CSMD1: variants seen among roughly 807,000 people sequenced by gnomAD.
CSMD1 encodes CUB and sushi domain-containing protein 1.
Under a neutral mutation model 417.5 loss-of-function variants are expected in CSMD1, and 213 were observed. The observed-to-expected ratio is 0.51, with a 90% CI of 0.46 to 0.57. The LOEUF is 0.57. CSMD1 is among the 20% of genes least tolerant of loss of function. The pLI, the probability that CSMD1 is intolerant of heterozygous loss-of-function variation, is 0.00. For missense variants in CSMD1, 6,923 were observed against 4,529.7 expected (o/e 1.53, Z -15.17); for synonymous variants, 2,862 against 1,736.8 (o/e 1.65, Z -16.11).
chr8:3,813,914 T>C (rs1194872774), intron 5 of CSMD1, among the ~76,000 whole-genome samples: 1 of 152,222 alleles, frequency 6.6e-6, no homozygotes, highest in Admixed American at 6.5e-5. Flanking sequence ...TCTTCTTACT[T>C]GTTAAGTCTG....
chr8:4,464,727 T>C lies in CSMD1; in HGVS notation c.303-44662A>G, dbSNP rs547081995. Among the ~76,000 whole-genome samples the C allele has an allele frequency of 1.1e-4, 16 of 152,228 alleles. No homozygotes were observed. In the East Asian group the frequency reaches 2.5e-3, roughly 24 times the overall value. On this transcript the variant is annotated intron_variant, in intron 2 of 69. Transcript: ENST00000635120. ...TTGTGTTTTAATGTATCTACACTGA[T>C]TGGATCATCAGCATCCGTTGCTTTA...
At chr8:3,796,085 ATATC>A (rs1170445270) in intron 5 of CSMD1, among the ~76,000 whole-genome samples, 3 of 33,582 alleles carry the variant, frequency 8.9e-5, no homozygotes, top group South Asian at 1.2e-3. Context: ...ATATAGATAT[ATATC>A]TATCATAGAT....
intron 1 of CSMD1, among the ~76,000 whole-genome samples, chr8:4,644,511 A>T (rs554332896): frequency 6.6e-6 from 1 of 152,068 alleles, no homozygotes; most frequent in South Asian, 2.1e-4. Context: ...GGTTCAAGTG[A>T]TCCTCCCGCC....
intron 3 of CSMD1, among the ~76,000 whole-genome samples, chr8:4,052,601 A>G (rs1199850768): frequency 1.3e-5 from 2 of 152,282 alleles, no homozygotes; most frequent in Middle Eastern, 3.4e-3. Flanking sequence ...CCTCCATATA[A>G]TTTAAGTATT....
intron 23 of CSMD1, among the ~76,000 whole-genome samples, chr8:3,316,002 A>T (rs573066189): frequency 6.6e-6 from 1 of 152,170 alleles, no homozygotes; most frequent in Admixed American, 6.5e-5. Flanking sequence ...AAATAATTCA[A>T]ATTATTCACT....
chr8:3,250,106 G>A (rs1433969668), intron 26 of CSMD1, among the ~76,000 whole-genome samples: 2 of 152,268 alleles, frequency 1.3e-5, no homozygotes, highest in Non-Finnish European at 2.9e-5. Context: ...TGTGCACAAC[G>A]TGCAGGTTTG....
intron 69 of CSMD1, among the ~76,000 whole-genome samples, chr8:2,941,585 C>A (rs646184): frequency 6.6e-6 from 1 of 152,150 alleles, no homozygotes; most frequent in Non-Finnish European, 1.5e-5. Flanking sequence ...CAAAATAATT[C>A]TTTTCTTCTG....
At chr8:4,814,614 T>A (rs552507359) in intron 1 of CSMD1, among the ~76,000 whole-genome samples, 1 of 152,278 alleles carries the variant, frequency 6.6e-6, no homozygotes, top group South Asian at 2.1e-4. Context: ...TATATTTTAA[T>A]TAGTATTGAT....
At position 3,767,122 on chromosome 8, in the gene CSMD1, C is replaced by T. The variant is rs112501930; in HGVS notation, c.819-13080G>A. Among the ~76,000 whole-genome samples the T allele has an allele frequency of 2.0e-3, 308 of 152,346 alleles. 1 individual carries two copies. Among genetic ancestry groups the T allele is most frequent in the African/African-American group, 7.3e-3 (302 of 41,584 alleles). Reference sequence around the variant, plus strand: ...ACTCAAGTACAGTAGCCGTGGGGTTCCGCTGAGGCTGCTGTGTCTCCAGCT... The same window carrying T: ...ACTCAAGTACAGTAGCCGTGGGGTTTCGCTGAGGCTGCTGTGTCTCCAGCT... On this transcript the variant is annotated intron_variant, in intron 5 of 69. Coordinates refer to ENST00000635120, the MANE Select transcript of CSMD1 (RefSeq NM_033225.6).
Position 3,387,666 on chromosome 8 carries a change from C to G in CSMD1, c.2610G>C (p.Ser870=). The change falls in exon 18 of 70, where the codon TCG becomes TCC. Residue 870 remains serine (S), a synonymous_variant. Transcript: ENST00000635120. ...GGATGCCCGGGTCCAGGCAGGAATC[C>G]GACTCAAGCGTCACACCTGGATGCA... The part of the protein sequence containing the change: ...LIHYESVTLE[S]DSCLDPGIPV... The G allele has an allele frequency of 6.3e-7, 1 of 1,596,218 alleles. No individual in the cohort carries two copies.
At position 3,102,420 on chromosome 8, in the gene CSMD1, G is replaced by A. The variant is rs1189134928; in HGVS notation, c.6949+4108C>T. ...TAGGTTATCCTGTTCGCCTCCTGAG[G>A]TGTGGAGTGGGGCTTGGGAAACTTC... On this transcript the variant is annotated intron_variant, in intron 46 of 69. Transcript: ENST00000635120. 3.3e-5 allele frequency among the ~76,000 whole-genome samples: 5 copies of A among 152,308 alleles called. No homozygotes were observed. In the East Asian group the frequency reaches 9.6e-4, roughly 29 times the overall value.
chr8:4,846,819 A>G (rs1399608889), intron 1 of CSMD1, among the ~76,000 whole-genome samples: 1 of 152,212 alleles, frequency 6.6e-6, no homozygotes, highest in Non-Finnish European at 1.5e-5. Context: ...GCAAAACTAT[A>G]TCTGGCATAT....
At chr8:2,969,545 A>G (rs1323794435) in intron 57 of CSMD1, among the ~76,000 whole-genome samples, 1 of 152,224 alleles carries the variant, frequency 6.6e-6, no homozygotes, top group Non-Finnish European at 1.5e-5. Context: ...CCTCCTTTTT[A>G]TAATTTATTC....
At chr8:4,961,593 G>A (rs1351286118) in intron 1 of CSMD1, among the ~76,000 whole-genome samples, 1 of 152,110 alleles carries the variant, frequency 6.6e-6, no homozygotes, top group Non-Finnish European at 1.5e-5. Flanking sequence ...CATGGTTACT[G>A]TGAAATTCTG....
chr8:3,055,892 G>A (rs563893611), intron 49 of CSMD1, among the ~76,000 whole-genome samples: 3 of 152,168 alleles, frequency 2.0e-5, no homozygotes, highest in Admixed American at 2.0e-4. Flanking sequence ...GTCTTCTTAC[G>A]CTCAGGTTAT....
intron 3 of CSMD1, among the ~76,000 whole-genome samples, chr8:4,390,071 T>C (rs1803739384): frequency 6.6e-6 from 1 of 152,222 alleles, no homozygotes; most frequent in African/African-American, 2.4e-5. Context: ...AATTTGAGAA[T>C]TACCACTTCT....
At chr8:4,798,419 G>C (rs1029445073) in intron 1 of CSMD1, among the ~76,000 whole-genome samples, 2 of 152,030 alleles carry the variant, frequency 1.3e-5, no homozygotes, top group Non-Finnish European at 2.9e-5. Flanking sequence ...TAATTTTTAA[G>C]GGAGATATTT....
At chr8:3,594,363 T>C (rs951679941) in intron 8 of CSMD1, among the ~76,000 whole-genome samples, 2 of 152,172 alleles carry the variant, frequency 1.3e-5, no homozygotes, top group African/African-American at 2.4e-5. Context: ...GAAGAACTTA[T>C]GCTGGAAACT....
chr8:4,086,589 A>C (rs1325063974), intron 3 of CSMD1, among the ~76,000 whole-genome samples: 1 of 152,202 alleles, frequency 6.6e-6, no homozygotes, highest in Non-Finnish European at 1.5e-5. Context: ...CTACTGATGC[A>C]GCTTAACCTT....
Sources: allele counts gnomAD v4.1 joint callset (sites outside exome capture counted in the v4.1 genomes callset), GRCh38; gene constraint gnomAD v4.1.1; transcripts MANE v1.5; gene names NCBI Gene and HGNC (gene_info 2026-07-23, HGNC 2026-07-21).